Variants in PHF20 observed in about 807,000 individuals in gnomAD.
PHF20 encodes the protein PHD finger protein 20.
In PHF20, 23 loss-of-function variants were observed where a neutral mutation model predicts 113.5. That is an observed-to-expected ratio of 0.20 (90% CI 0.15 to 0.29). PHF20 has a LOEUF of 0.29. PHF20 is among the 10% of genes least tolerant of loss of function. The pLI, the probability that PHF20 is intolerant of heterozygous loss-of-function variation, is 1.00. For synonymous variants in PHF20, 434 were observed against 457.3 expected, an observed-to-expected ratio of 0.95 and a Z score of 0.65; for missense variants, 943 against 1,219.6, an observed-to-expected ratio of 0.77 and a Z score of 3.38.
At chr20:35,923,007 C>T (rs1268096528) in intron 13 of PHF20, among the ~76,000 whole-genome samples, 3 of 152,054 alleles carry the variant, frequency 2.0e-5, no homozygotes, top group Non-Finnish European at 4.4e-5. Context: ...CCCAGCTTCT[C>T]AGGAGGCTGA....
At chr20:35,906,618 A>G (rs942290572) in intron 10 of PHF20, among the ~76,000 whole-genome samples, 2 of 152,098 alleles carry the variant, frequency 1.3e-5, no homozygotes, top group Non-Finnish European at 2.9e-5. Context: ...TGGTGTCCAA[A>G]ATGGCTCCCT....
At chr20:35,911,463 G>A (rs1205979968) in intron 10 of PHF20, among the ~76,000 whole-genome samples, 2 of 152,200 alleles carry the variant, frequency 1.3e-5, no homozygotes, top group Admixed American at 1.3e-4. Flanking sequence ...AACTAAAACT[G>A]CTATGAGTCT....
chr20:35,847,480 TG>T (rs761284031), intron 4 of PHF20, 46 bp downstream of exon 4: 83 of 1,156,732 alleles, frequency 7.2e-5, no homozygotes, highest in Middle Eastern at 1.9e-4. Context: ...ACTTAGGTGG[TG>T]GGGGGGGATG....
chr20:35,947,690 A>T lies in PHF20; in HGVS notation c.*63A>T, dbSNP rs1199015835. The T allele has an allele frequency of 6.6e-7, 1 of 1,521,572 alleles. No homozygotes were observed. The highest frequency in any genetic ancestry group is 1.4e-5 in the African/African-American group (1 of 72,934). 94.3% of individuals were successfully genotyped at this position (1,521,572 alleles called of 1,614,324 possible). On this transcript the variant is annotated 3_prime_UTR_variant, in exon 18 of 18. Coordinates refer to ENST00000374012, the MANE Select transcript of PHF20 (RefSeq NM_016436.5). Reference sequence around the variant, plus strand: ...GGCACCTGCAGGAGGAGCTTCGCATATTTAAATAAATAAACCTAGCATGCT... The same window carrying T: ...GGCACCTGCAGGAGGAGCTTCGCATTTTTAAATAAATAAACCTAGCATGCT...
chr20:35,909,167 T>C (rs57842617), intron 10 of PHF20, among the ~76,000 whole-genome samples: 1,701 of 152,162 alleles, frequency 0.011, 22 homozygotes, highest in African/African-American at 0.038. Context: ...AAAGAAGTTC[T>C]TTATCCAGTT....
chr20:35,923,047 C>G (rs927521121), intron 13 of PHF20, among the ~76,000 whole-genome samples: 2 of 152,168 alleles, frequency 1.3e-5, no homozygotes, highest in African/African-American at 4.8e-5. Flanking sequence ...CCTGGGCAGT[C>G]AAGGCTGCAG....
intron 1 of PHF20, among the ~76,000 whole-genome samples, chr20:35,789,384 T>C (rs1260181047): frequency 6.6e-6 from 1 of 150,568 alleles, no homozygotes; most frequent in Non-Finnish European, 1.5e-5. Context: ...TGAGCCAAGA[T>C]TGTGCCATTG....
chr20:35,898,757 C>T (rs2055038078), intron 9 of PHF20, among the ~76,000 whole-genome samples: 1 of 152,132 alleles, frequency 6.6e-6, no homozygotes, highest in Non-Finnish European at 1.5e-5. Flanking sequence ...ATTACAGGCA[C>T]CTGCCATCAT....
chr20:35,864,707 G>C (rs897742206), intron 6 of PHF20, among the ~76,000 whole-genome samples: 1 of 152,080 alleles, frequency 6.6e-6, no homozygotes, highest in African/African-American at 2.4e-5. Flanking sequence ...TTGCCCTCAA[G>C]AGCTGAGGGT....
chr20:35,781,177 T>C (rs546066798), intron 1 of PHF20, among the ~76,000 whole-genome samples: 1 of 147,318 alleles, frequency 6.8e-6, no homozygotes, highest in Non-Finnish European at 1.5e-5. Context: ...GGATTCTTGC[T>C]CTGTCACCCA....
At chr20:35,944,826 C>T (rs2056057360) in intron 17 of PHF20, among the ~76,000 whole-genome samples, 1 of 152,192 alleles carries the variant, frequency 6.6e-6, no homozygotes, top group Non-Finnish European at 1.5e-5. Context: ...CTTGACCTCC[C>T]AAGGTGTTGG....
intron 13 of PHF20, among the ~76,000 whole-genome samples, chr20:35,924,627 C>T (rs192152301): frequency 6.6e-6 from 1 of 151,994 alleles, no homozygotes; most frequent in Non-Finnish European, 1.5e-5. Flanking sequence ...GAGATTCGCT[C>T]TGTCACCCAG....
At chr20:35,917,684 CAG>C (rs2055432956) in intron 13 of PHF20, 22 bp downstream of exon 13, 1 of 1,604,738 alleles carries the variant, frequency 6.2e-7, no homozygotes, top group South Asian at 1.1e-5. Flanking sequence ...TTCCAGGAAA[CAG>C]GTCTAGAGAA....
Position 35,927,868 on chromosome 20 carries a change from A to G in PHF20, c.2093A>G (p.Gln698Arg). ...GAGAAATACACCTGTTATGTTTGCCAAGACCCTCCAGGTAGAGATTTCTGG... is the reference window on the plus strand; with the variant it reads ...GAGAAATACACCTGTTATGTTTGCCGAGACCCTCCAGGTAGAGATTTCTGG... The part of the protein sequence containing the change: ...VPEKYTCYVC[Q>R]DPPGQRPGFK... The change falls in exon 14 of 18, where the codon CAA becomes CGA. Residue 698 changes from glutamine (Q) to arginine (R), a missense_variant. Physicochemically the swap from Gln to Arg is conservative, Grantham distance 43. Coordinates refer to ENST00000374012, the MANE Select transcript of PHF20 (RefSeq NM_016436.5). The G allele has an allele frequency of 1.9e-6, 3 of 1,611,738 alleles. No homozygotes were observed. Among genetic ancestry groups the G allele is most frequent in the Non-Finnish European group, 2.5e-6 (3 of 1,177,768 alleles).
intron 9 of PHF20, among the ~76,000 whole-genome samples, chr20:35,883,507 C>T (rs994283027): frequency 2.0e-4 from 31 of 152,174 alleles, no homozygotes; most frequent in African/African-American, 1.7e-4. Flanking sequence ...GGCGCTGTCA[C>T]GGCTCACTGC....
intron 2 of PHF20, among the ~76,000 whole-genome samples, chr20:35,826,298 C>T (rs1156752958): frequency 6.6e-6 from 1 of 152,180 alleles, no homozygotes. Flanking sequence ...CCCGCGTCGG[C>T]CTCCCAAAGT....
At chr20:35,914,008 T>C (rs1423399013) in intron 11 of PHF20, 25 bp from the exon 12 acceptor site, 1 of 1,612,474 alleles carries the variant, frequency 6.2e-7, no homozygotes, top group Non-Finnish European at 8.5e-7. Flanking sequence ...GGGTTATTCA[T>C]TCCTTCCTGA....
intron 2 of PHF20, among the ~76,000 whole-genome samples, chr20:35,836,663 T>C (rs2042445809): frequency 6.6e-6 from 1 of 151,134 alleles, no homozygotes; most frequent in Non-Finnish European, 1.5e-5. Flanking sequence ...GCTAACACGG[T>C]GAAACCCCAT....
intron 2 of PHF20, among the ~76,000 whole-genome samples, chr20:35,833,751 A>C (rs1394711228): frequency 6.6e-6 from 1 of 152,094 alleles, no homozygotes; most frequent in African/African-American, 2.4e-5. Flanking sequence ...GGGCTTTAGA[A>C]TGAAGGGTTA....
Sources: gnomAD v4.1 joint callset for allele counts (sites outside exome capture counted in the v4.1 genomes callset) on GRCh38, gnomAD v4.1.1 for gene constraint, MANE v1.5 for transcripts, NCBI Gene and HGNC (gene_info 2026-07-23, HGNC 2026-07-21) for gene names.